WNK1: variants seen among roughly 807,000 people sequenced by gnomAD.
WNK1 encodes the protein WNK lysine deficient protein kinase 1.
A neutral mutation model predicts 222.8 loss-of-function variants in WNK1; 38 were observed. The ratio of observed to expected loss-of-function variants is 0.17; its 90% CI spans 0.13 to 0.22. The LOEUF is 0.22. Ranked by LOEUF, WNK1 falls within the 10% of genes least tolerant of loss-of-function variation. The pLI is 1.00. For missense variants in WNK1, 2,348 were observed against 2,918.4 expected, an observed-to-expected ratio of 0.80 and a Z score of 4.50; for synonymous variants, 1,090 against 1,092.9, an observed-to-expected ratio of 1.00 and a Z score of 0.05.
intron 8 of WNK1, chr12:868,458 T>G: frequency 6.2e-7 from 1 of 1,613,974 alleles, no homozygotes; most frequent in Non-Finnish European, 8.5e-7. Flanking sequence ...GTAGGACACC[T>G]TCAGAATCTA....
chr12:838,089 G>C (rs1222096756), intron 4 of WNK1, among the ~76,000 whole-genome samples: 4 of 151,610 alleles, frequency 2.6e-5, no homozygotes, highest in African/African-American at 9.7e-5. Flanking sequence ...GTGTGTGTGT[G>C]TGTGTGTGTG....
chr12:853,944 G>A (rs879743385), intron 4 of WNK1, among the ~76,000 whole-genome samples: 1 of 152,114 alleles, frequency 6.6e-6, no homozygotes, highest in Non-Finnish European at 1.5e-5. Context: ...GAGAGACAGG[G>A]TCTTGCTTTG....
At chr12:821,263 T>G (rs577954467) in intron 2 of WNK1, among the ~76,000 whole-genome samples, 1 of 152,300 alleles carries the variant, frequency 6.6e-6, no homozygotes, top group South Asian at 2.1e-4. Flanking sequence ...GTTGAGAGTT[T>G]TTACATCTAC....
Position 779,281 on chromosome 12 carries a change from T to C in WNK1, c.759+24957T>C, listed in dbSNP as rs548749121. On this transcript the variant is annotated intron_variant, in intron 1 of 27. Transcript: ENST00000315939. ...ATTTGCCTTCAGATTTCGAATTCCCTGTTGGGAAAGTAATATGGTTATGTT... is the reference window on the plus strand; with the variant it reads ...ATTTGCCTTCAGATTTCGAATTCCCCGTTGGGAAAGTAATATGGTTATGTT... Among the ~76,000 whole-genome samples the C allele has an allele frequency of 6.0e-4, 91 of 152,310 alleles. No individual in the cohort carries two copies. The South Asian group carries it at 0.012, about 21-fold the overall frequency.
chr12:781,613 T>G (rs1943718158), intron 1 of WNK1, among the ~76,000 whole-genome samples: 1 of 152,212 alleles, frequency 6.6e-6, no homozygotes, highest in African/African-American at 2.4e-5. Context: ...TTATTTTTGC[T>G]TTTTATTTGG....
chr12:756,940 G>A (rs1440509101), intron 1 of WNK1, among the ~76,000 whole-genome samples: 1 of 152,178 alleles, frequency 6.6e-6, no homozygotes, highest in Admixed American at 6.6e-5. Context: ...TGACAAATAA[G>A]GAACCTGAAA....
Position 769,573 on chromosome 12 carries a change from T to C in WNK1, c.759+15249T>C, listed in dbSNP as rs1350793786. Among the ~76,000 whole-genome samples the C allele has an allele frequency of 2.0e-5, 3 of 152,194 alleles. No individual in the cohort carries two copies. In the South Asian group the frequency reaches 6.2e-4, roughly 31 times the overall value. ...CATCCTTACTTTCTGTAGAAGATGTTCTCAGTTCATTTTATTATTTCCCCA... is the reference window on the plus strand; with the variant it reads ...CATCCTTACTTTCTGTAGAAGATGTCCTCAGTTCATTTTATTATTTCCCCA... On this transcript the variant is annotated intron_variant, in intron 1 of 27. Coordinates refer to ENST00000315939, the MANE Select transcript of WNK1 (RefSeq NM_018979.4).
intron 11 of WNK1, 143 bp from the exon 12 acceptor site, chr12:880,578 A>G: frequency 2.2e-6 from 2 of 912,476 alleles, no homozygotes; most frequent in East Asian, 2.4e-5. Context: ...TGGTCTTTAT[A>G]TGCCCTTTAG....
chr12:803,333 CAA>C (rs1261344095), intron 1 of WNK1, among the ~76,000 whole-genome samples: 1 of 152,034 alleles, frequency 6.6e-6, no homozygotes, highest in African/African-American at 2.4e-5. Context: ...ATATAAAAAT[CAA>C]AGTGCAAAAC....
At chr12:760,687 G>A (rs953426176) in intron 1 of WNK1, among the ~76,000 whole-genome samples, 2 of 147,396 alleles carry the variant, frequency 1.4e-5, no homozygotes, top group African/African-American at 4.9e-5. Flanking sequence ...AAGAAACATT[G>A]TCAGAAGCTC....
At chr12:794,218 G>A (rs1464844997) in intron 1 of WNK1, among the ~76,000 whole-genome samples, 1 of 152,068 alleles carries the variant, frequency 6.6e-6, no homozygotes, top group Non-Finnish European at 1.5e-5. Flanking sequence ...TGCTATAAAC[G>A]TTCATTTATA....
At chr12:851,881 A>AAC in intron 4 of WNK1, 1 of 1,017,704 alleles carries the variant, frequency 9.8e-7, no homozygotes, top group Non-Finnish European at 1.3e-6. Flanking sequence ...ACTTTCAGTT[A>AAC]AAGTATTGAA....
intron 1 of WNK1, among the ~76,000 whole-genome samples, chr12:782,009 G>T (rs1429288995): frequency 6.6e-6 from 1 of 152,030 alleles, no homozygotes; most frequent in African/African-American, 2.4e-5. Flanking sequence ...AACTTCTAAG[G>T]CTTTTTCTTC....
chr12:864,968 C>T, intron 8 of WNK1: 1 of 923,858 alleles, frequency 1.1e-6, no homozygotes, highest in Non-Finnish European at 1.5e-6. Flanking sequence ...TTATAGCTCT[C>T]CTCAAAAAAA....
intron 8 of WNK1, among the ~76,000 whole-genome samples, 176 bp downstream of exon 8, chr12:862,446 A>C (rs1315620489): frequency 3.3e-5 from 5 of 152,258 alleles, no homozygotes; most frequent in Admixed American, 2.0e-4. Context: ...TGTGGGCATT[A>C]GCTGAACTGC....
At chr12:848,094 C>G (rs919630950) in intron 4 of WNK1, among the ~76,000 whole-genome samples, 1 of 152,096 alleles carries the variant, frequency 6.6e-6, no homozygotes, top group Non-Finnish European at 1.5e-5. Flanking sequence ...CGTGAGCCAC[C>G]GCGCCTGGCT....
At position 753,532 on chromosome 12, in the gene WNK1, C is replaced by G. The variant is rs537709613; in HGVS notation, c.-34C>G. The G allele has an allele frequency of 1.9e-6, 3 of 1,610,912 alleles. No individual in the cohort carries two copies. The highest frequency in any genetic ancestry group is 2.2e-5 in the East Asian group (1 of 44,850). On this transcript the variant is annotated 5_prime_UTR_variant, in exon 1 of 28. In the 5' UTR this introduces an upstream ATG that the reference lacks. Transcript: ENST00000315939. The surrounding 1 kb of genome is among the most constrained non-coding windows in gnomAD (Gnocchi z 5.2). ...CTTCACGCCCTTTTCGTTCACGAAT[C>G]CGAGCCCGCTCGCCTCTCTCCAGCG...
intron 1 of WNK1, among the ~76,000 whole-genome samples, chr12:776,355 G>A (rs1294655238): frequency 6.7e-6 from 1 of 150,336 alleles, no homozygotes; most frequent in Non-Finnish European, 1.5e-5. Flanking sequence ...GCTGCTGTTT[G>A]TTGTTACATT....
intron 10 of WNK1, 79 bp from the exon 11 acceptor site, chr12:879,494 C>T (rs1463315738): frequency 8.9e-4 from 671 of 750,130 alleles, no homozygotes; most frequent in South Asian, 3.0e-3. Context: ...ATACATAAAT[C>T]TTGCTTTTGG....
Sources: allele counts gnomAD v4.1 joint callset (sites outside exome capture counted in the v4.1 genomes callset), GRCh38; gene constraint gnomAD v4.1.1; non-coding constraint Gnocchi (gnomAD v3.1); transcripts MANE v1.5; gene names NCBI Gene and HGNC (gene_info 2026-07-23, HGNC 2026-07-21).